GGT1: variants seen among roughly 807,000 people sequenced by gnomAD.
GGT1 encodes the protein glutathione hydrolase 1 proenzyme.
GGT1 carries 21 observed loss-of-function variants against 56.0 expected under a neutral mutation model. That is an observed-to-expected ratio of 0.38 (90% confidence interval 0.27 to 0.54). The LOEUF is 0.54. Ranked by LOEUF, GGT1 falls within the 20% of genes least tolerant of loss-of-function variation. GGT1 has a pLI of 0.82. For missense variants in GGT1, 466 were observed against 787.0 expected (o/e 0.59, Z 4.88); for synonymous variants, 238 against 342.6 (o/e 0.69, Z 3.37).
rs117275250 is a variant in GGT1, at chr22:24,612,493, G to A, written c.164+1248G>A. 6.3e-3 allele frequency among the ~76,000 whole-genome samples: 664 copies of A among 105,490 alleles called. 2 individuals are homozygous for A. Among genetic ancestry groups the A allele is most frequent in the Middle Eastern group, 0.015 (3 of 196 alleles). The allele number at this position is 105,490 out of a possible 152,430, so 69.2% of individuals were successfully genotyped here. On this transcript the variant is annotated intron_variant, in intron 5 of 15. Transcript: ENST00000400382. ...CAAGGAACACTGTTGCCCAAACAGG[G>A]ACATGAAGGGCTTATTCTTTTTTGT...
Position 24,611,197 on chromosome 22 carries a change from C to G in GGT1, c.116C>G (p.Thr39Ser), listed in dbSNP as rs1412578866. ...ASKEPDNHVY[T>S]RAAVAADAKQ... ...AAGGAACCTGACAACCATGTGTACA[C>G]CAGGGCTGCCGTGGCCGCGGATGCC... The change falls in exon 5 of 16, where the codon ACC becomes AGC. Residue 39 changes from threonine to serine, a missense_variant. This residue lies in a region of GGT1 where 456 missense variants were observed against 716.7 expected (regional missense o/e 0.64). Transcript: ENST00000400382. The G allele has an allele frequency of 1.9e-6, 3 of 1,585,546 alleles. No homozygotes were observed. The highest frequency in any genetic ancestry group is 1.8e-5 in the Admixed American group (1 of 55,994).
chr22:24,604,555 G>A (rs2045913952), intron 1 of GGT1, among the ~76,000 whole-genome samples: 3 of 152,234 alleles, frequency 2.0e-5, no homozygotes, highest in Middle Eastern at 6.8e-3. Context: ...GTGTCTCTGG[G>A]TGAGTGAGGC....
At chr22:24,599,789 C>T (rs2006227), upstream of GGT1, among the ~76,000 whole-genome samples, 1 of 151,924 alleles carries the variant, frequency 6.6e-6, no homozygotes. Flanking sequence ...CGAGGGAGGT[C>T]GGGAAGGTGC....
the GGT1 span, chr22:24,588,182 G>A: frequency 6.6e-7 from 1 of 1,520,734 alleles, no homozygotes; most frequent in Non-Finnish European, 9.1e-7. Flanking sequence ...TGGAGCAGCA[G>A]TGAGGAGGGG....
Position 24,605,349 on chromosome 22 carries a change from T to A in GGT1, c.-429+1822T>A, listed in dbSNP as rs867937566. ...TATATTATATAATATGTATTATATA[T>A]TATATAATATGTATTATATATTATA... On this transcript the variant is annotated intron_variant, in intron 1 of 15. Coordinates refer to ENST00000400382, the MANE Select transcript of GGT1 (RefSeq NM_001288833.2). Among the ~76,000 whole-genome samples, 7 of 57,968 alleles carry A rather than the reference T, an allele frequency of 1.2e-4. 1 individual carries two copies. The highest frequency in any genetic ancestry group is 1.1e-3 in the Admixed American group (3 of 2,756). 38.0% of individuals were successfully genotyped at this position (57,968 alleles called of 152,430 possible).
chr22:24,618,315 G>A (rs2047196471), intron 7 of GGT1, among the ~76,000 whole-genome samples: 1 of 152,186 alleles, frequency 6.6e-6, no homozygotes, highest in South Asian at 2.1e-4. Flanking sequence ...TCTTGGCTGG[G>A]CACGGTGGCT....
Position 24,628,473 on chromosome 22 carries a change from C to T in GGT1, c.1563+85C>T, listed in dbSNP as rs1382246856. Reference sequence around the variant, plus strand: ...GAGGCCTGGATCATCACAGAGTGGACAATGGTTGGTGTCCTCTCTCTAGTG... The same window carrying T: ...GAGGCCTGGATCATCACAGAGTGGATAATGGTTGGTGTCCTCTCTCTAGTG... On this transcript the variant is annotated intron_variant, in intron 15 of 15. Transcript: ENST00000400382. The surrounding 1 kb of genome is among the most constrained non-coding windows in gnomAD (Gnocchi z 5.7). 15 of 1,581,192 alleles carry T rather than the reference C, an allele frequency of 9.5e-6. No individual in the cohort carries two copies. The highest frequency in any genetic ancestry group is 1.4e-5 in the African/African-American group (1 of 72,682).
chr22:24,588,624 G>T, the GGT1 span: 1 of 1,070,292 alleles, frequency 9.3e-7, no homozygotes, highest in Non-Finnish European at 1.2e-6. Flanking sequence ...CAGGGCCAGC[G>T]TCTCGGGCTA....
chr22:24,608,641 T>C (rs4822516), intron 2 of GGT1, among the ~76,000 whole-genome samples: 50,468 of 152,078 alleles, frequency 0.33, 8,547 homozygotes, highest in Middle Eastern at 0.5. Context: ...GTGGTGGAAA[T>C]GTCCTTTTGT....
upstream of GGT1, chr22:24,593,174 C>A (rs553659541): frequency 3.3e-6 from 3 of 907,066 alleles, no homozygotes; most frequent in African/African-American, 3.6e-5. Flanking sequence ...AGCGCCCGCC[C>A]CACCCCGCGC....
At chr22:24,586,146 C>T in the GGT1 span, 1 of 1,613,488 alleles carries the variant, frequency 6.2e-7, no homozygotes, top group Non-Finnish European at 8.5e-7. Flanking sequence ...TTGATGGCAT[C>T]AGTGAGCTTG....
intron 1 of GGT1, among the ~76,000 whole-genome samples, chr22:24,605,132 ATT>A (rs1491352518): frequency 2.5e-5 from 2 of 80,028 alleles, no homozygotes; most frequent in East Asian, 3.0e-4. Flanking sequence ...TATGTAATAT[ATT>A]ATATAATATA....
chr22:24,597,443 G>A (rs1224427499), intron 1 of GGT1, among the ~76,000 whole-genome samples: 2 of 152,200 alleles, frequency 1.3e-5, no homozygotes, highest in South Asian at 2.1e-4. Flanking sequence ...GGGAGGCTAA[G>A]GTGGGCGGAT....
At chr22:24,614,993 CATA>C in intron 6 of GGT1, 45 bp from the exon 7 acceptor site, 1 of 704,490 alleles carries the variant, frequency 1.4e-6, no homozygotes, top group Non-Finnish European at 2.4e-6. Flanking sequence ...GCTCACGTGG[CATA>C]AAGGGTTTGG....
chr22:24,626,492 G>A (rs2047778131), intron 11 of GGT1, among the ~76,000 whole-genome samples: 1 of 149,260 alleles, frequency 6.7e-6, no homozygotes, highest in Non-Finnish European at 1.5e-5. Context: ...GTGAACCCAT[G>A]CTTATTTATT....
intron 9 of GGT1, among the ~76,000 whole-genome samples, chr22:24,621,632 G>T (rs896667737): frequency 7.2e-5 from 11 of 152,050 alleles, no homozygotes; most frequent in African/African-American, 2.7e-4. Context: ...CTGGAAATTG[G>T]CATGCCAATA....
chr22:24,607,066 G>A (rs2147281777), intron 1 of GGT1, among the ~76,000 whole-genome samples: 2 of 152,294 alleles, frequency 1.3e-5, no homozygotes, highest in Middle Eastern at 6.8e-3. Flanking sequence ...GCAGTAACTT[G>A]GGGCAGTTAC....
upstream of GGT1, chr22:24,589,826 T>TG (rs1239805553): frequency 1.9e-6 from 3 of 1,612,314 alleles, no homozygotes; most frequent in African/African-American, 2.7e-5. Context: ...CTCACCTTCT[T>TG]GGGGCACTGC....
intron 9 of GGT1, among the ~76,000 whole-genome samples, chr22:24,622,756 AAAAG>A (rs1397736316): frequency 6.6e-6 from 1 of 151,910 alleles, no homozygotes; most frequent in Non-Finnish European, 1.5e-5. Flanking sequence ...AAAAAAAAAG[AAAAG>A]AAAACACTCT....
Sources: allele counts gnomAD v4.1 joint callset (sites outside exome capture counted in the v4.1 genomes callset), GRCh38; gene constraint gnomAD v4.1.1; regional missense constraint gnomAD v4.1.1; non-coding constraint Gnocchi (gnomAD v3.1); transcripts MANE v1.5; gene names NCBI Gene and HGNC (gene_info 2026-07-23, HGNC 2026-07-21).